The following CAMKMT variants were observed in gnomAD, a reference collection of about 807,000 sequenced individuals.
CAMKMT encodes the protein calmodulin-lysine N-methyltransferase, also known as CaM KMT.
A neutral mutation model predicts 48.0 loss-of-function variants in CAMKMT; 53 were observed. That is an observed-to-expected ratio of 1.10 (90% CI 0.89 to 1.39). CAMKMT has a LOEUF of 1.39. Among genes scored for constraint, CAMKMT ranks in the 40% most tolerant of loss-of-function variants. CAMKMT has a pLI of 0.00. For missense variants in CAMKMT, 428 were observed against 402.7 expected, an observed-to-expected ratio of 1.06 and a Z score of -0.54; for synonymous variants, 165 against 152.3, an observed-to-expected ratio of 1.08 and a Z score of -0.61.
chr2:44,576,575 G>A lies in CAMKMT; in HGVS notation c.377-127708G>A, dbSNP rs547993718. Among the ~76,000 whole-genome samples, 5 of 152,274 alleles carry A rather than the reference G, an allele frequency of 3.3e-5. No individual in the cohort carries two copies. In the South Asian group the frequency reaches 8.3e-4, roughly 25 times the overall value. On this transcript the variant is annotated intron_variant, in intron 3 of 10. Coordinates refer to ENST00000378494, the MANE Select transcript of CAMKMT (RefSeq NM_024766.5). ...AAGCAGCTTGTTAGATTACATGAGG[G>A]TCCAGCGTGAATGTGATCAGTGGTC... is the stretch of plus-strand genomic sequence containing the variant.
intron 3 of CAMKMT, among the ~76,000 whole-genome samples, chr2:44,673,496 A>G (rs923566879): frequency 1.4e-5 from 2 of 139,774 alleles, no homozygotes; most frequent in African/African-American, 5.5e-5. Context: ...GAAGGAAGGA[A>G]GGAAGGAAGG....
chr2:44,442,961 C>G (rs1477558793), intron 3 of CAMKMT, among the ~76,000 whole-genome samples: 1 of 152,206 alleles, frequency 6.6e-6, no homozygotes, highest in African/African-American at 2.4e-5. Context: ...TTGAATTCTT[C>G]CAACCAGCCT....
chr2:44,366,818 T>G (rs1678644251), intron 1 of CAMKMT, among the ~76,000 whole-genome samples: 1 of 151,990 alleles, frequency 6.6e-6, no homozygotes, highest in Non-Finnish European at 1.5e-5. Flanking sequence ...ATGTCCTGGG[T>G]TCAAACGATT....
At chr2:44,652,480 C>T (rs1178344139) in intron 3 of CAMKMT, among the ~76,000 whole-genome samples, 1 of 152,134 alleles carries the variant, frequency 6.6e-6, no homozygotes, top group African/African-American at 2.4e-5. Flanking sequence ...GGATGACAAC[C>T]CCTCTGGGGT....
intron 2 of CAMKMT, among the ~76,000 whole-genome samples, chr2:44,376,300 G>GT (rs1228824020): frequency 6.6e-6 from 1 of 151,836 alleles, no homozygotes; most frequent in Non-Finnish European, 1.5e-5. Context: ...TGTAATCCCA[G>GT]TATCCCAGTT....
intron 2 of CAMKMT, among the ~76,000 whole-genome samples, chr2:44,379,188 C>T (rs1243528548): frequency 6.6e-6 from 1 of 152,150 alleles, no homozygotes; most frequent in Non-Finnish European, 1.5e-5. Context: ...GTATGTCTGT[C>T]TTCTTTCACT....
In CAMKMT at chr2:44,497,709, A is replaced by AAGAGAGAGAGAGAGAGAG. The variant is rs70937918; in HGVS notation, c.376+107421_376+107438dup. 4.4e-3 allele frequency among the ~76,000 whole-genome samples: 614 copies of AAGAGAGAGAGAGAGAGAG among 138,896 alleles called. 4 individuals carry two copies. The highest frequency in any genetic ancestry group is 0.018 in the Admixed American group (234 of 12,724). The allele number at this position is 138,896 out of a possible 152,430, so 91.1% of individuals were successfully genotyped here. A position where few individuals can be genotyped will look rare whatever the true frequency, so the allele number is the denominator to read the frequency against. ...GTAATTTAAAAAAATTAAGCAGGCA[A>AAGAGAGAGAGAGAGAGAG]AGAGAGAGAGAGAGAGAGAGAGAGA... On this transcript the variant is annotated intron_variant, in intron 3 of 10. Coordinates refer to ENST00000378494, the MANE Select transcript of CAMKMT (RefSeq NM_024766.5).
At chr2:44,482,288 A>G (rs79185575) in intron 3 of CAMKMT, among the ~76,000 whole-genome samples, 4,216 of 152,194 alleles carry the variant, frequency 0.028, 196 homozygotes, top group African/African-American at 0.096. Flanking sequence ...ATGTGTACGT[A>G]TTGTACATAT....
chr2:44,658,662 A>G (rs929821585), intron 3 of CAMKMT, among the ~76,000 whole-genome samples: 11 of 152,292 alleles, frequency 7.2e-5, no homozygotes, highest in African/African-American at 2.6e-4. Context: ...CCTCAATTAT[A>G]AGATAGGATA....
chr2:44,486,784 C>T (rs575533733), intron 3 of CAMKMT, among the ~76,000 whole-genome samples: 70 of 152,268 alleles, frequency 4.6e-4, no homozygotes, highest in Non-Finnish European at 7.6e-4. Flanking sequence ...CCTTGGTGTA[C>T]CCCCCAAGAA....
intron 3 of CAMKMT, among the ~76,000 whole-genome samples, chr2:44,399,906 T>C (rs1682208515): frequency 1.3e-5 from 2 of 152,166 alleles, no homozygotes. Flanking sequence ...ATGCTTACTT[T>C]CACTCCCAAA....
intron 3 of CAMKMT, among the ~76,000 whole-genome samples, chr2:44,411,120 T>A (rs1683173472): frequency 6.6e-6 from 1 of 152,200 alleles, no homozygotes; most frequent in Non-Finnish European, 1.5e-5. Context: ...TTGATTTAGT[T>A]TTTTAAAATA....
rs143182811 is a variant in CAMKMT at position 44,633,762 on chromosome 2, G to A, written c.377-70521G>A. ...CACTTCTATGGTTAAATTTTCTTGA[G>A]TTTCTTTTATCATACTTTTTTTCTT... On this transcript the variant is annotated intron_variant, in intron 3 of 10. Coordinates refer to ENST00000378494, the MANE Select transcript of CAMKMT (RefSeq NM_024766.5). 6.1e-3 allele frequency among the ~76,000 whole-genome samples: 926 copies of A among 151,870 alleles called. 5 individuals are homozygous for A. The highest frequency in any genetic ancestry group is 7.1e-3 in the Non-Finnish European group (485 of 67,944).
intron 3 of CAMKMT, among the ~76,000 whole-genome samples, chr2:44,633,301 T>G (rs1427554314): frequency 6.6e-6 from 1 of 152,184 alleles, no homozygotes; most frequent in African/African-American, 2.4e-5. Context: ...GCTGGCCTTA[T>G]GTATCTTTGG....
chr2:44,387,587 T>G (rs1680898417), intron 2 of CAMKMT, among the ~76,000 whole-genome samples: 1 of 152,064 alleles, frequency 6.6e-6, no homozygotes, highest in African/African-American at 2.4e-5. Context: ...TTTTTTTTTG[T>G]TTTTGCTTTT....
At chr2:44,517,222 T>A (rs886976600) in intron 3 of CAMKMT, among the ~76,000 whole-genome samples, 2 of 152,190 alleles carry the variant, frequency 1.3e-5, no homozygotes, top group Non-Finnish European at 2.9e-5. Context: ...AATAATTGTT[T>A]CAAAAATTTT....
chr2:44,462,334 A>T (rs191076503), intron 3 of CAMKMT, among the ~76,000 whole-genome samples: 1 of 152,124 alleles, frequency 6.6e-6, no homozygotes, highest in African/African-American at 2.4e-5. Flanking sequence ...AGATAACTCT[A>T]TGTATACATA....
At chr2:44,432,382 C>G (rs1243148777) in intron 3 of CAMKMT, among the ~76,000 whole-genome samples, 1 of 152,182 alleles carries the variant, frequency 6.6e-6, no homozygotes, top group African/African-American at 2.4e-5. Flanking sequence ...CTTGGGAGCA[C>G]TGATTACGAA....
intron 9 of CAMKMT, among the ~76,000 whole-genome samples, chr2:44,764,060 G>C (rs1265745880): frequency 1.3e-5 from 2 of 151,018 alleles, no homozygotes; most frequent in African/African-American, 4.9e-5. Context: ...GACTTTTGCT[G>C]TCCTGCCGAG....
Sources: gnomAD v4.1 joint callset for allele counts (sites outside exome capture counted in the v4.1 genomes callset) on GRCh38, gnomAD v4.1.1 for gene constraint, MANE v1.5 for transcripts, NCBI Gene and HGNC (gene_info 2026-07-23, HGNC 2026-07-21) for gene names.